The following OPN5 variants were observed in gnomAD, a reference collection of about 807,000 sequenced individuals.
OPN5 encodes opsin 5, also known as opsin-5.
In OPN5, 18 loss-of-function variants were observed where a neutral mutation model predicts 41.7. That is an observed-to-expected ratio of 0.43 (90% CI 0.30 to 0.64). OPN5 has a LOEUF of 0.64. OPN5 is among the 30% of genes least tolerant of loss of function. OPN5 has a pLI of 0.13. For synonymous variants in OPN5, 178 were observed against 164.3 expected (o/e 1.08, Z -0.64); for missense variants, 318 against 434.5 (o/e 0.73, Z 2.38).
rs1363402346 is a variant in OPN5, at chr6:47,819,336, A to AATATATATATATATAT, written c.1057-4645_1057-4630dup. Among the ~76,000 whole-genome samples, 6 of 24,326 alleles carry AATATATATATATATAT rather than the reference A, an allele frequency of 2.5e-4. 1 individual carries two copies. Among genetic ancestry groups the AATATATATATATATAT allele is most frequent in the African/African-American group, 8.4e-4 (6 of 7,146 alleles). 16.0% of individuals were successfully genotyped at this position (24,326 alleles called of 152,430 possible). On this transcript the variant is annotated intron_variant, in intron 6 of 6. Coordinates refer to ENST00000371211, the Ensembl canonical transcript of OPN5. ...TCTCTAAGTAATTCTGAAAATTAGG[A>AATATATATATATATAT]ATATATATATATATATAAAAAATAT...
chr6:47,807,011 G>A (rs1245086965), intron 4 of OPN5, among the ~76,000 whole-genome samples: 1 of 152,134 alleles, frequency 6.6e-6, no homozygotes, highest in Admixed American at 6.5e-5. Flanking sequence ...ACAAAAATTA[G>A]CCAGGCATGG....
At chr6:47,823,563 AG>A in intron 6 of OPN5, 1 of 205,114 alleles carries the variant, frequency 4.9e-6, no homozygotes, top group South Asian at 1.5e-4. Context: ...GCAAAAAAAA[AG>A]TCTTAAAAAA....
intron 6 of OPN5, among the ~76,000 whole-genome samples, chr6:47,812,193 T>C (rs925476235): frequency 2.0e-5 from 3 of 152,170 alleles, no homozygotes; most frequent in African/African-American, 7.2e-5. Context: ...ACAGCCATTT[T>C]TCATGCTGGA....
intron 2 of OPN5, among the ~76,000 whole-genome samples, chr6:47,789,330 C>G (rs139535309): frequency 0.011 from 1,638 of 152,118 alleles, 36 homozygotes; most frequent in African/African-American, 0.037. Context: ...CCTGCTTTCT[C>G]TGCTTTATTT....
At chr6:47,807,667 G>C (rs75558934) in intron 4 of OPN5, among the ~76,000 whole-genome samples, 1 of 151,916 alleles carries the variant, frequency 6.6e-6, no homozygotes, top group Non-Finnish European at 1.5e-5. Context: ...ACAAAAATTT[G>C]AGTTAAAAGA....
chr6:47,824,077 T>C, exon 7 of OPN5: 2 of 1,129,652 alleles, frequency 1.8e-6, no homozygotes, highest in African/African-American at 1.5e-5. Context: ...AATGTTATTT[T>C]TCTGACTTCT....
At chr6:47,825,529 G>A (rs1236806075), downstream of OPN5, 1 of 152,126 alleles carries the variant, frequency 6.6e-6, no homozygotes, top group African/African-American at 2.4e-5. Context: ...CCAAAAGACA[G>A]CTTCAGTTAA....
At chr6:47,822,579 C>T (rs967494498) in intron 6 of OPN5, among the ~76,000 whole-genome samples, 1 of 152,204 alleles carries the variant, frequency 6.6e-6, no homozygotes, top group Admixed American at 6.5e-5. Flanking sequence ...CTCAAAGGCA[C>T]ATCCAGAGTA....
chr6:47,810,629 CT>C (rs1774154315), intron 5 of OPN5, among the ~76,000 whole-genome samples: 1 of 152,088 alleles, frequency 6.6e-6, no homozygotes. Context: ...AATAATAAAG[CT>C]AATGTATTGA....
chr6:47,808,429 CTCTT>C (rs779138504), intron 5 of OPN5, 34 bp downstream of exon 5: 1 of 1,610,712 alleles, frequency 6.2e-7, no homozygotes, highest in Non-Finnish European at 8.5e-7. Flanking sequence ...GAATTACACT[CTCTT>C]TGTTTCAAAA....
At chr6:47,795,125 A>G in intron 3 of OPN5, 104 bp from the exon 4 acceptor site, 1 of 938,158 alleles carries the variant, frequency 1.1e-6, no homozygotes. Flanking sequence ...GGTCTCCCAG[A>G]AATCAATGGA....
chr6:47,821,675 G>C (rs1261594464), intron 6 of OPN5, among the ~76,000 whole-genome samples: 3 of 152,090 alleles, frequency 2.0e-5, no homozygotes, highest in African/African-American at 7.2e-5. Context: ...GGCCAATGTT[G>C]TCCTTGTTCT....
intron 5 of OPN5, among the ~76,000 whole-genome samples, chr6:47,809,558 G>A (rs138308922): frequency 2.6e-5 from 4 of 152,270 alleles, no homozygotes; most frequent in African/African-American, 7.2e-5. Context: ...TTTACAATAC[G>A]TTTACAATAG....
At chr6:47,785,315 T>G (rs1233422184) in intron 1 of OPN5, among the ~76,000 whole-genome samples, 1 of 152,202 alleles carries the variant, frequency 6.6e-6, no homozygotes, top group African/African-American at 2.4e-5. Flanking sequence ...TCTCTTTTAT[T>G]TTTCTCTTCT....
At chr6:47,793,093 A>G (rs1486338531) in intron 3 of OPN5, among the ~76,000 whole-genome samples, 3 of 151,964 alleles carry the variant, frequency 2.0e-5, no homozygotes, top group African/African-American at 7.3e-5. Context: ...ACAACTATAC[A>G]TATTCTGTGT....
chr6:47,820,749 T>C (rs1464775953), intron 6 of OPN5, among the ~76,000 whole-genome samples: 1 of 152,052 alleles, frequency 6.6e-6, no homozygotes, highest in Non-Finnish European at 1.5e-5. Context: ...GGTCATGGTG[T>C]AGTGGAAAAA....
At chr6:47,812,901 G>T (rs901296617) in intron 6 of OPN5, among the ~76,000 whole-genome samples, 2 of 152,106 alleles carry the variant, frequency 1.3e-5, no homozygotes, top group Admixed American at 1.3e-4. Context: ...TTGAAGGTTT[G>T]TAGAGAATCA....
intron 6 of OPN5, among the ~76,000 whole-genome samples, chr6:47,814,721 C>G (rs1762377651): frequency 6.6e-6 from 1 of 152,088 alleles, no homozygotes; most frequent in Non-Finnish European, 1.5e-5. Context: ...TTTGAGAAAA[C>G]TCTATACAGA....
intron 2 of OPN5, 135 bp from the exon 3 acceptor site, chr6:47,791,667 A>G (rs1773376850): frequency 1.5e-6 from 1 of 651,114 alleles, no homozygotes; most frequent in African/African-American, 1.8e-5. Flanking sequence ...AATCTAGGAA[A>G]TCTGTGTAAT....
Sources: allele counts gnomAD v4.1 joint callset (sites outside exome capture counted in the v4.1 genomes callset), GRCh38; gene constraint gnomAD v4.1.1; transcripts MANE v1.5; gene names NCBI Gene and HGNC (gene_info 2026-07-23, HGNC 2026-07-21).